GALNT18: variants seen among roughly 807,000 people sequenced by gnomAD.
GALNT18 encodes polypeptide N-acetylgalactosaminyltransferase 18.
A neutral mutation model predicts 69.5 loss-of-function variants in GALNT18; 44 were observed. The ratio of observed to expected loss-of-function variants is 0.63; its 90% CI spans 0.50 to 0.81. The LOEUF is 0.81. GALNT18 is among the 40% of genes least tolerant of loss of function. The pLI, the probability that GALNT18 is intolerant of heterozygous loss-of-function variation, is 0.00. For missense variants in GALNT18, 715 were observed against 810.0 expected (o/e 0.88, Z 1.42); for synonymous variants, 364 against 318.2 (o/e 1.14, Z -1.53).
At chr11:11,350,460 T>C (rs763293383) in intron 6 of GALNT18, among the ~76,000 whole-genome samples, 6 of 152,228 alleles carry the variant, frequency 3.9e-5, no homozygotes, top group Non-Finnish European at 7.3e-5. Context: ...TGATTACTAT[T>C]GTTCAAACTC....
chr11:11,559,249 C>T (rs1038639563), intron 1 of GALNT18, among the ~76,000 whole-genome samples: 7 of 152,178 alleles, frequency 4.6e-5, no homozygotes, highest in African/African-American at 9.7e-5. Flanking sequence ...AAGCCTCTTC[C>T]GACCACCCCC....
rs1857928160 is a variant in GALNT18 at position 11,541,707 on chromosome 11, C to T, written c.235+79652G>A. On this transcript the variant is annotated intron_variant, in intron 1 of 10. Coordinates refer to ENST00000227756, the MANE Select transcript of GALNT18 (RefSeq NM_198516.3). This position sits in a 1 kb window ranked among gnomAD's most constrained non-coding sequence, Gnocchi z 4.8. ...TTCCCAGCCCCCACACCTCTATTGC[C>T]CCAAAGCGTCGCTAGTAGCCTTGGG... is the stretch of plus-strand genomic sequence containing the variant. Among the ~76,000 whole-genome samples the T allele has an allele frequency of 6.6e-6, 1 of 152,114 alleles. No homozygotes were observed. Among genetic ancestry groups the T allele is most frequent in the Admixed American group, 6.5e-5 (1 of 15,282 alleles).
At chr11:11,351,143 G>A (rs959525465) in intron 6 of GALNT18, among the ~76,000 whole-genome samples, 3 of 152,194 alleles carry the variant, frequency 2.0e-5, no homozygotes, top group African/African-American at 7.2e-5. Context: ...ATTCAAAGCA[G>A]TACCCCACTA....
At chr11:11,502,822 C>A (rs548514983) in intron 1 of GALNT18, among the ~76,000 whole-genome samples, 1 of 152,162 alleles carries the variant, frequency 6.6e-6, no homozygotes, top group Non-Finnish European at 1.5e-5. Flanking sequence ...GATAAATTCA[C>A]GGCTGAATTC....
intron 9 of GALNT18, among the ~76,000 whole-genome samples, chr11:11,325,008 T>A (rs1448511843): frequency 6.6e-6 from 1 of 152,228 alleles, no homozygotes; most frequent in Non-Finnish European, 1.5e-5. Context: ...CTACTGGGTA[T>A]CTACCCAAAG....
At position 11,606,609 on chromosome 11, in the gene GALNT18, C is replaced by T. The variant is rs923150553; in HGVS notation, c.235+14750G>A. 6.6e-6 allele frequency among the ~76,000 whole-genome samples: 1 copy of T among 152,182 alleles called. No individual in the cohort carries two copies. The highest frequency in any genetic ancestry group is 2.4e-5 in the African/African-American group (1 of 41,448). The stretch of plus-strand genomic sequence containing the variant: ...AGGAGCTGTTGGACCCGAAGTCAGG[C>T]TCTGGTCAGCAGGCCAGGGAGAGGA... On this transcript the variant is annotated intron_variant, in intron 1 of 10. Coordinates refer to ENST00000227756, the MANE Select transcript of GALNT18 (RefSeq NM_198516.3). The surrounding 1 kb of genome is among the most constrained non-coding windows in gnomAD (Gnocchi z 5.4).
chr11:11,303,985 G>A (rs1387590669), intron 9 of GALNT18, among the ~76,000 whole-genome samples: 2 of 152,172 alleles, frequency 1.3e-5, no homozygotes, highest in Non-Finnish European at 1.5e-5. Flanking sequence ...CTCTGTCCAG[G>A]GCTTGGCCCA....
Position 11,463,213 on chromosome 11 carries a change from C to G in GALNT18, c.236-14277G>C, listed in dbSNP as rs199655273. ...ACACACTCAGACAGACAGACAGACACACACACACACACAGAGAGAGAGAGA... is the reference window on the plus strand; with the variant it reads ...ACACACTCAGACAGACAGACAGACAGACACACACACACAGAGAGAGAGAGA... On this transcript the variant is annotated intron_variant, in intron 1 of 10. Coordinates refer to ENST00000227756, the MANE Select transcript of GALNT18 (RefSeq NM_198516.3). The surrounding 1 kb of genome is among the most constrained non-coding windows in gnomAD (Gnocchi z 4.2). Among the ~76,000 whole-genome samples, 13 of 146,912 alleles carry G rather than the reference C, an allele frequency of 8.8e-5. No homozygotes were observed. Among genetic ancestry groups the G allele is most frequent in the South Asian group, 2.2e-4 (1 of 4,644 alleles).
Position 11,542,286 on chromosome 11 carries a change from C to T in GALNT18, c.235+79073G>A, listed in dbSNP as rs1334774154. On this transcript the variant is annotated intron_variant, in intron 1 of 10. Coordinates refer to ENST00000227756, the MANE Select transcript of GALNT18 (RefSeq NM_198516.3). The surrounding 1 kb of genome is among the most constrained non-coding windows in gnomAD (Gnocchi z 4.3). ...CTCCTTGTAGATCTAGCCTTTCCCT[C>T]AGCCTTTCTCCCTACCAGATAGAGC... Among the ~76,000 whole-genome samples, 1 of 152,156 alleles carries T rather than the reference C, an allele frequency of 6.6e-6. No homozygotes were observed.
In GALNT18 at chr11:11,413,936, A is replaced by T. The variant is rs6484889; in HGVS notation, c.595+18685T>A. On this transcript the variant is annotated intron_variant, in intron 3 of 10. Transcript: ENST00000227756. The surrounding 1 kb of genome is among the most constrained non-coding windows in gnomAD (Gnocchi z 4.7). Reference sequence around the variant, plus strand: ...ACATTTGGCACATTCAGGACTTCACACTGGATCTTACTCACCAAACCTGTT... The same window carrying T: ...ACATTTGGCACATTCAGGACTTCACTCTGGATCTTACTCACCAAACCTGTT... 0.54 allele frequency among the ~76,000 whole-genome samples: 82,538 copies of T among 151,998 alleles called. 25,153 individuals are homozygous for T. The highest frequency in any genetic ancestry group is 0.82 in the East Asian group (4,232 of 5,156).
intron 3 of GALNT18, among the ~76,000 whole-genome samples, chr11:11,425,267 C>T (rs1855101431): frequency 2.0e-5 from 3 of 152,170 alleles, no homozygotes; most frequent in African/African-American, 4.8e-5. Flanking sequence ...GGTCCGTGAG[C>T]AAAGGAGATC....
At chr11:11,530,122 C>G (rs4910378) in intron 1 of GALNT18, among the ~76,000 whole-genome samples, 34,952 of 152,012 alleles carry the variant, frequency 0.23, 4,513 homozygotes, top group Non-Finnish European at 0.27. Flanking sequence ...TCACATGCAC[C>G]GGCTTGTGAT....
intron 10 of GALNT18, among the ~76,000 whole-genome samples, chr11:11,283,386 A>G (rs1312571321): frequency 1.3e-5 from 2 of 152,158 alleles, no homozygotes; most frequent in African/African-American, 4.8e-5. Flanking sequence ...ACCTCAGGTG[A>G]TCTGCCTGCC....
Position 11,332,836 on chromosome 11 carries a change from A to G in GALNT18, c.1279-5T>C, listed in dbSNP as rs749768404. On this transcript the variant is annotated splice_region_variant and splice_polypyrimidine_tract_variant and intron_variant, in intron 7 of 10. Coordinates refer to ENST00000227756, the MANE Select transcript of GALNT18 (RefSeq NM_198516.3). This position sits in a 1 kb window ranked among gnomAD's most constrained non-coding sequence, Gnocchi z 4.3. ...CCCAATGTCAATTCCTGAGTCCTGC[A>G]CAGGGACGCAGAAGCAGAGATGAAG... 2 of 1,612,742 alleles carry G rather than the reference A, an allele frequency of 1.2e-6. No individual in the cohort carries two copies. Among genetic ancestry groups the G allele is most frequent in the Non-Finnish European group, 1.7e-6 (2 of 1,179,956 alleles).
At chr11:11,344,217 T>C (rs1188057803) in intron 6 of GALNT18, among the ~76,000 whole-genome samples, 2 of 151,410 alleles carry the variant, frequency 1.3e-5, no homozygotes, top group African/African-American at 4.9e-5. Flanking sequence ...ACAGCCTCTA[T>C]GCTGTAGCCA....
rs1355422714 is a variant in GALNT18 at position 11,430,220 on chromosome 11, G to C, written c.595+2401C>G. Among the ~76,000 whole-genome samples the C allele has an allele frequency of 6.6e-6, 1 of 152,170 alleles. No individual in the cohort carries two copies. The highest frequency in any genetic ancestry group is 1.5e-5 in the Non-Finnish European group (1 of 68,036). On this transcript the variant is annotated intron_variant, in intron 3 of 10. Transcript: ENST00000227756. This position sits in a 1 kb window ranked among gnomAD's most constrained non-coding sequence, Gnocchi z 4.9. ...CTCACTGAACCAGAATCTCCTAGGAGAGCTTTTTGTTTGTTTTAACTTAAT... is the reference window on the plus strand; with the variant it reads ...CTCACTGAACCAGAATCTCCTAGGACAGCTTTTTGTTTGTTTTAACTTAAT...
At chr11:11,343,601 G>A (rs1057007638) in intron 6 of GALNT18, among the ~76,000 whole-genome samples, 7 of 152,142 alleles carry the variant, frequency 4.6e-5, no homozygotes, top group Non-Finnish European at 7.3e-5. Context: ...ACATTCTGGG[G>A]ACAGTCCTGA....
At chr11:11,532,640 C>G (rs1012176469) in intron 1 of GALNT18, among the ~76,000 whole-genome samples, 3 of 152,250 alleles carry the variant, frequency 2.0e-5, no homozygotes, top group Admixed American at 2.0e-4. Flanking sequence ...CTCAGATCAT[C>G]TTGAACAACA....
At chr11:11,559,255 C>A (rs1342995820) in intron 1 of GALNT18, among the ~76,000 whole-genome samples, 3 of 152,206 alleles carry the variant, frequency 2.0e-5, no homozygotes, top group Non-Finnish European at 2.9e-5. Context: ...CTTCCGACCA[C>A]CCCCTCCACT....
Sources: gnomAD v4.1 joint callset for allele counts (sites outside exome capture counted in the v4.1 genomes callset) on GRCh38, gnomAD v4.1.1 for gene constraint, Gnocchi (gnomAD v3.1) non-coding constraint, MANE v1.5 for transcripts, NCBI Gene and HGNC (gene_info 2026-07-23, HGNC 2026-07-21) for gene names.